IL1RAPL1: variants seen among roughly 807,000 people sequenced by gnomAD.
IL1RAPL1 encodes the protein interleukin 1 receptor accessory protein like 1, also known as interleukin-1 receptor accessory protein-like 1.
In IL1RAPL1, 3 loss-of-function variants were observed where a neutral mutation model predicts 48.4. That is an observed-to-expected ratio of 0.06 (90% confidence interval 0.03 to 0.16). The LOEUF is 0.16. Ranked by LOEUF, IL1RAPL1 falls within the 10% of genes least tolerant of loss-of-function variation. IL1RAPL1 has a pLI of 1.00. For synonymous variants in IL1RAPL1, 185 were observed against 187.7 expected, an observed-to-expected ratio of 0.99 and a Z score of 0.12; for missense variants, 349 against 530.6, an observed-to-expected ratio of 0.66 and a Z score of 3.36.
intron 1 of IL1RAPL1, among the ~76,000 whole-genome samples, chrX:28,606,890 GA>G (rs1569137153): frequency 3.6e-5 from 4 of 110,835 alleles, no homozygotes; most frequent in Non-Finnish European, 5.7e-5. Context: ...TTTATAAATA[GA>G]AAAAAATAAA....
intron 6 of IL1RAPL1, among the ~76,000 whole-genome samples, chrX:29,910,540 TTTA>T (rs1232404701): frequency 1.8e-5 from 2 of 111,246 alleles, no homozygotes; most frequent in Non-Finnish European, 3.8e-5. Flanking sequence ...CCTACAATAA[TTTA>T]TTTAGTTCCT....
chrX:28,659,832 T>A (rs995522046), intron 1 of IL1RAPL1, among the ~76,000 whole-genome samples: 1 of 110,457 alleles, frequency 9.1e-6, no homozygotes, highest in Non-Finnish European at 1.9e-5. Context: ...AAATGTAGAT[T>A]CTTGGGTCTA....
chrX:29,712,058 G>A (rs1601790905), intron 6 of IL1RAPL1, among the ~76,000 whole-genome samples: 1 of 101,272 alleles, frequency 9.9e-6, no homozygotes, highest in Admixed American at 1.1e-4. Context: ...TATTATTGCT[G>A]TTTTTTTGGA....
chrX:29,695,138 A>C (rs779449072), intron 6 of IL1RAPL1, among the ~76,000 whole-genome samples: 26 of 112,308 alleles, frequency 2.3e-4, no homozygotes, highest in African/African-American at 7.8e-4. Flanking sequence ...ACATTTACTG[A>C]GGACTACTCA....
At chrX:29,143,494 G>A (rs1282599599) in intron 2 of IL1RAPL1, among the ~76,000 whole-genome samples, 1 of 111,597 alleles carries the variant, frequency 9.0e-6, no homozygotes, top group African/African-American at 3.3e-5. Context: ...AACGGTGCAC[G>A]ATTCTGAGTA....
At chrX:29,616,336 T>A (rs914799785) in intron 5 of IL1RAPL1, among the ~76,000 whole-genome samples, 5 of 106,976 alleles carry the variant, frequency 4.7e-5, no homozygotes, top group Admixed American at 1.0e-4. Flanking sequence ...TTTTTTTTTT[T>A]ATTATATTAT....
At chrX:28,812,218 G>A (rs750410767) in intron 2 of IL1RAPL1, among the ~76,000 whole-genome samples, 2 of 110,662 alleles carry the variant, frequency 1.8e-5, no homozygotes, top group Non-Finnish European at 3.8e-5. Context: ...GAAACAATGT[G>A]TGTATATATA....
intron 1 of IL1RAPL1, among the ~76,000 whole-genome samples, chrX:28,775,524 C>T (rs1172732566): frequency 6.2e-5 from 7 of 112,706 alleles, no homozygotes; most frequent in Non-Finnish European, 7.5e-5. Flanking sequence ...TGCAGAGCCA[C>T]TCTTTCCAAG....
rs148073181 is a variant in IL1RAPL1, at chrX:29,602,229, T to C, written c.704-66201T>C. 5.5e-3 allele frequency among the ~76,000 whole-genome samples: 566 copies of C among 103,351 alleles called. 82 individuals are homozygous for C. Among genetic ancestry groups the C allele is most frequent in the African/African-American group, 0.023 (532 of 22,957 alleles). 89.7% of individuals were successfully genotyped at this position (103,351 alleles called of 115,157 possible). A position where few individuals can be genotyped will look rare whatever the true frequency, so the allele number is the denominator to read the frequency against. On this transcript the variant is annotated intron_variant, in intron 5 of 10. Coordinates refer to ENST00000378993, the MANE Select transcript of IL1RAPL1 (RefSeq NM_014271.4). ...AACTCCTGACCTCATGTGATCCACCTGCCTCGGCCTTCCAAAGTGCTGGGA... is the reference window on the plus strand; with the variant it reads ...AACTCCTGACCTCATGTGATCCACCCGCCTCGGCCTTCCAAAGTGCTGGGA...
intron 5 of IL1RAPL1, among the ~76,000 whole-genome samples, chrX:29,412,751 G>C (rs940417616): frequency 2.7e-5 from 3 of 112,037 alleles, no homozygotes; most frequent in African/African-American, 9.7e-5. Context: ...AGTTCCATTG[G>C]TGGAGCTGCC....
intron 5 of IL1RAPL1, among the ~76,000 whole-genome samples, chrX:29,483,480 G>T (rs1021443991): frequency 2.7e-5 from 3 of 111,305 alleles, no homozygotes; most frequent in Non-Finnish European, 5.7e-5. Flanking sequence ...TATTTTCTAG[G>T]CGGTTTGTTT....
intron 2 of IL1RAPL1, among the ~76,000 whole-genome samples, chrX:28,924,492 A>T (rs1350476217): frequency 8.9e-6 from 1 of 111,818 alleles, no homozygotes; most frequent in African/African-American, 3.3e-5. Context: ...GTTTTATTCT[A>T]TCTACAGATG....
At chrX:29,037,900 A>G (rs1445342628) in intron 2 of IL1RAPL1, among the ~76,000 whole-genome samples, 1 of 111,543 alleles carries the variant, frequency 9.0e-6, no homozygotes, top group Non-Finnish European at 1.9e-5. Context: ...AATATGGAAC[A>G]CCTCTGACAA....
intron 2 of IL1RAPL1, among the ~76,000 whole-genome samples, chrX:29,206,653 A>G (rs1163174236): frequency 8.9e-6 from 1 of 112,059 alleles, no homozygotes; most frequent in African/African-American, 3.2e-5. Context: ...GGATTATCTC[A>G]TTGCATTTTT....
At chrX:29,324,757 G>A (rs911497136) in intron 3 of IL1RAPL1, among the ~76,000 whole-genome samples, 1 of 111,244 alleles carries the variant, frequency 9.0e-6, no homozygotes, top group Admixed American at 9.6e-5. Context: ...GAGACAAAAG[G>A]GCAGGAGGGC....
chrX:29,234,786 T>C (rs1052304280), intron 2 of IL1RAPL1, among the ~76,000 whole-genome samples: 8 of 112,523 alleles, frequency 7.1e-5, no homozygotes, highest in African/African-American at 2.6e-4. Flanking sequence ...GCTTCGGTTT[T>C]CCAATTTATA....
chrX:29,884,608 C>G (rs1400097454), intron 6 of IL1RAPL1, among the ~76,000 whole-genome samples: 2 of 111,343 alleles, frequency 1.8e-5, no homozygotes, highest in East Asian at 5.7e-4. Flanking sequence ...CCAGTGCCTC[C>G]TTAATGTATA....
At chrX:29,803,194 TACATATAC>T (rs1930083221) in intron 6 of IL1RAPL1, among the ~76,000 whole-genome samples, 3 of 30,800 alleles carry the variant, frequency 9.7e-5, no homozygotes, top group Non-Finnish European at 1.9e-4. Context: ...TATATATGTA[TACATATAC>T]ACACATGTAT....
At chrX:29,363,834 A>G (rs1373609561) in intron 3 of IL1RAPL1, among the ~76,000 whole-genome samples, 1 of 107,002 alleles carries the variant, frequency 9.3e-6, no homozygotes, top group East Asian at 2.8e-4. Context: ...TTCATGATGG[A>G]CCAAGCCCAT....
Sources: gnomAD v4.1 joint callset for allele counts (sites outside exome capture counted in the v4.1 genomes callset) on GRCh38, gnomAD v4.1.1 for gene constraint, MANE v1.5 for transcripts, NCBI Gene and HGNC (gene_info 2026-07-23, HGNC 2026-07-21) for gene names.